Variants in ANO2 observed in about 807,000 individuals in gnomAD.
The protein encoded by ANO2 is anoctamin 2.
Under a neutral mutation model 124.2 loss-of-function variants are expected in ANO2, and 101 were observed. The observed-to-expected ratio is 0.81, with a 90% CI of 0.69 to 0.96. ANO2 has a LOEUF of 0.96. Among genes scored for constraint, ANO2 ranks in the 40% least tolerant of loss-of-function variants. ANO2 has a pLI of 0.00. For missense variants in ANO2, 1,293 were observed against 1,274.5 expected (o/e 1.01, Z -0.22); for synonymous variants, 486 against 482.5 (o/e 1.01, Z -0.09).
At chr12:5,785,610 C>T (rs1023145599) in intron 10 of ANO2, among the ~76,000 whole-genome samples, 19 of 152,026 alleles carry the variant, frequency 1.2e-4, no homozygotes, top group Non-Finnish European at 2.6e-4. Context: ...ATCTTGAAGG[C>T]AGTATCCAAT....
intron 1 of ANO2, among the ~76,000 whole-genome samples, chr12:5,927,735 T>G (rs1357586473): frequency 6.6e-6 from 1 of 152,256 alleles, no homozygotes; most frequent in Non-Finnish European, 1.5e-5. Context: ...TAAGCCCACA[T>G]GCTGATGGGG....
intron 7 of ANO2, 133 bp downstream of exon 7, chr12:5,827,636 A>T: frequency 9.1e-7 from 1 of 1,099,884 alleles, no homozygotes; most frequent in Non-Finnish European, 1.3e-6. Flanking sequence ...TCTCAGCCCA[A>T]GCTAAGCAGC....
Position 5,945,231 on chromosome 12 carries a change from A to G in ANO2, c.-14T>C. 1 of 1,285,092 alleles carries G rather than the reference A, an allele frequency of 7.8e-7. No homozygotes were observed. The highest frequency in any genetic ancestry group is 1.0e-6 in the Non-Finnish European group (1 of 986,438). The allele number at this position is 1,285,092 out of a possible 1,614,324, so 79.6% of individuals were successfully genotyped here. A position where few individuals can be genotyped will look rare whatever the true frequency, so the allele number is the denominator to read the frequency against. On this transcript the variant is annotated 5_prime_UTR_variant, in exon 1 of 25. Coordinates refer to ENST00000682330, the MANE Select transcript of ANO2 (RefSeq NM_001364791.2). Reference sequence around the variant, plus strand: ...GGGAGTCGCCATGATGTGGACGCAGACCCCGCCGGCCCGCGGCCGCGCGCT... The same window carrying G: ...GGGAGTCGCCATGATGTGGACGCAGGCCCCGCCGGCCCGCGGCCGCGCGCT...
At chr12:5,697,463 A>G (rs982168236) in intron 14 of ANO2, among the ~76,000 whole-genome samples, 1 of 151,940 alleles carries the variant, frequency 6.6e-6, no homozygotes, top group African/African-American at 2.4e-5. Flanking sequence ...TTAAAAAATT[A>G]AAAAAAATAG....
intron 15 of ANO2, among the ~76,000 whole-genome samples, chr12:5,643,300 G>A (rs1946473679): frequency 1.3e-5 from 2 of 152,168 alleles, no homozygotes; most frequent in Admixed American, 1.3e-4. Flanking sequence ...TATTGTCTCT[G>A]AACTCTCTAT....
chr12:5,944,782 G>T (rs754437980), intron 1 of ANO2, among the ~76,000 whole-genome samples: 14 of 152,080 alleles, frequency 9.2e-5, no homozygotes, highest in Non-Finnish European at 1.6e-4. Flanking sequence ...TCAGCGGACC[G>T]TTGCTGAGTT....
Position 5,739,427 on chromosome 12 carries a change from CTTGA to C in ANO2, c.1352-32_1352-29del, listed in dbSNP as rs934843498. ...TAAAAAGAACAACAAGAACAAAAAC[CTTGA>C]TTATTTTTGAAGAGTGGATTCTGTA... is the stretch of plus-strand genomic sequence containing the variant. On this transcript the variant is annotated intron_variant, in intron 12 of 24. Transcript: ENST00000682330. 42 of 1,560,052 alleles carry C rather than the reference CTTGA, an allele frequency of 2.7e-5. 1 individual carries two copies. The Admixed American group carries it at 6.2e-4, about 23-fold the overall frequency.
Position 5,598,040 on chromosome 12 carries a change from C to T in ANO2, c.2233+1444G>A, listed in dbSNP as rs115428299. Among the ~76,000 whole-genome samples the T allele has an allele frequency of 4.4e-3, 674 of 152,304 alleles. 6 individuals are homozygous for T. Among genetic ancestry groups the T allele is most frequent in the African/African-American group, 0.014 (600 of 41,570 alleles). On this transcript the variant is annotated intron_variant, in intron 20 of 24. Coordinates refer to ENST00000682330, the MANE Select transcript of ANO2 (RefSeq NM_001364791.2). ...CCCTAGAATTGTAGACATCCCAGGG[C>T]TAGGACAATATTTCCATGGCCGTCT...
chr12:5,618,968 A>T (rs573853990), intron 16 of ANO2, among the ~76,000 whole-genome samples: 1 of 152,312 alleles, frequency 6.6e-6, no homozygotes, highest in Admixed American at 6.5e-5. Flanking sequence ...CCCTTAATTC[A>T]CTGCCAATCC....
At chr12:5,833,695 G>A (rs556550775) in intron 4 of ANO2, among the ~76,000 whole-genome samples, 2 of 152,276 alleles carry the variant, frequency 1.3e-5, no homozygotes, top group East Asian at 3.9e-4. Context: ...ATTCTCATAG[G>A]AGCGTGAACC....
intron 7 of ANO2, 23 bp downstream of exon 7, chr12:5,827,745 CT>C (rs755370976): frequency 1.9e-6 from 3 of 1,604,192 alleles, no homozygotes; most frequent in African/African-American, 2.7e-5. Flanking sequence ...CGTCAGCACC[CT>C]GCCCGCGGGC....
chr12:5,834,630 T>A (rs1428039143), intron 4 of ANO2, among the ~76,000 whole-genome samples: 1 of 152,228 alleles, frequency 6.6e-6, no homozygotes, highest in Non-Finnish European at 1.5e-5. Flanking sequence ...AACTGAAACA[T>A]AACCACAGTT....
At chr12:5,774,173 G>A (rs1434703116) in intron 10 of ANO2, among the ~76,000 whole-genome samples, 2 of 152,122 alleles carry the variant, frequency 1.3e-5, no homozygotes, top group African/African-American at 4.8e-5. Flanking sequence ...GTTGTTCTTG[G>A]GCAGGACGCA....
intron 14 of ANO2, among the ~76,000 whole-genome samples, chr12:5,680,992 G>A (rs184499603): frequency 6.8e-4 from 104 of 152,262 alleles, no homozygotes; most frequent in African/African-American, 2.4e-3. Context: ...AGCTCAAAGC[G>A]AGACAAAAGC....
At chr12:5,841,891 A>G (rs1168568236) in intron 4 of ANO2, among the ~76,000 whole-genome samples, 1 of 151,570 alleles carries the variant, frequency 6.6e-6, no homozygotes, top group Non-Finnish European at 1.5e-5. Context: ...TTTTTTTGAG[A>G]CAAGATCTCA....
intron 3 of ANO2, among the ~76,000 whole-genome samples, chr12:5,886,086 C>T (rs948507200): frequency 1.3e-5 from 2 of 152,190 alleles, no homozygotes; most frequent in Non-Finnish European, 2.9e-5. Flanking sequence ...CCTGAACAGA[C>T]CCTTCCCAGC....
intron 1 of ANO2, among the ~76,000 whole-genome samples, chr12:5,944,473 C>T (rs1353704359): frequency 6.6e-6 from 1 of 152,252 alleles, no homozygotes; most frequent in African/African-American, 2.4e-5. Context: ...GCACCTCCCT[C>T]TTCATGCCTG....
At chr12:5,779,698 C>T (rs924857051) in intron 10 of ANO2, among the ~76,000 whole-genome samples, 4 of 152,194 alleles carry the variant, frequency 2.6e-5, no homozygotes, top group East Asian at 3.9e-4. Context: ...ACGGCACGCA[C>T]CTCCTCTCAG....
chr12:5,939,213 C>CA (rs34787622), intron 1 of ANO2, among the ~76,000 whole-genome samples: 37,799 of 86,652 alleles, frequency 0.44, 8,598 homozygotes, highest in Middle Eastern at 0.57. Context: ...AAGACTCCAA[C>CA]AAAAAAAAAA....
Sources: gnomAD v4.1 joint callset for allele counts (sites outside exome capture counted in the v4.1 genomes callset) on GRCh38, gnomAD v4.1.1 for gene constraint, MANE v1.5 for transcripts, NCBI Gene and HGNC (gene_info 2026-07-23, HGNC 2026-07-21) for gene names.